Variants in RBMS1 observed in about 807,000 individuals in gnomAD.
The protein encoded by RBMS1 is RNA binding motif single stranded interacting protein 1.
Under a neutral mutation model 62.3 loss-of-function variants are expected in RBMS1, and 17 were observed. The observed-to-expected ratio is 0.27, with a 90% confidence interval of 0.19 to 0.41. The LOEUF is 0.41. Among genes scored for constraint, RBMS1 ranks in the 10% least tolerant of loss-of-function variants. RBMS1 has a pLI of 1.00. For missense variants in RBMS1, 334 were observed against 504.5 expected (o/e 0.66, Z 3.24); for synonymous variants, 172 against 170.0 (o/e 1.01, Z -0.09).
chr2:160,431,466 T>C (rs1267968699), intron 1 of RBMS1, among the ~76,000 whole-genome samples: 1 of 152,090 alleles, frequency 6.6e-6, no homozygotes, highest in East Asian at 2.0e-4. Flanking sequence ...TTATAGAGGC[T>C]GGAAGCCAGG....
intron 2 of RBMS1, among the ~76,000 whole-genome samples, chr2:160,349,629 T>C (rs192554003): frequency 8.6e-5 from 13 of 151,808 alleles, no homozygotes; most frequent in African/African-American, 3.1e-4. Flanking sequence ...GAATAGGTCA[T>C]GAGTTTGGCT....
chr2:160,418,244 A>G (rs1280790828), intron 1 of RBMS1, among the ~76,000 whole-genome samples: 2 of 152,204 alleles, frequency 1.3e-5, no homozygotes, highest in South Asian at 2.1e-4. Flanking sequence ...GCATGCATAT[A>G]CACAGACACG....
intron 1 of RBMS1, among the ~76,000 whole-genome samples, chr2:160,447,810 G>A (rs985261184): frequency 1.3e-5 from 2 of 152,184 alleles, no homozygotes; most frequent in Admixed American, 1.3e-4. Flanking sequence ...AGTGCTGGGG[G>A]TCAAGAGATG....
intron 4 of RBMS1, among the ~76,000 whole-genome samples, chr2:160,312,718 G>C (rs888190057): frequency 6.6e-5 from 10 of 151,368 alleles, no homozygotes; most frequent in Admixed American, 6.6e-5. Context: ...GTATGTGCCA[G>C]TTATATATAT....
intron 1 of RBMS1, among the ~76,000 whole-genome samples, chr2:160,409,158 G>C (rs1559519188): frequency 6.6e-6 from 1 of 151,936 alleles, no homozygotes; most frequent in Non-Finnish European, 1.5e-5. Context: ...TATCCTGCTG[G>C]TGACTTAGTG....
At chr2:160,439,204 A>C (rs1221228319) in intron 1 of RBMS1, among the ~76,000 whole-genome samples, 1 of 148,630 alleles carries the variant, frequency 6.7e-6, no homozygotes, top group Non-Finnish European at 1.5e-5. Context: ...TGACCCCCCC[A>C]CCTCCCTCTC....
At chr2:160,416,488 T>C (rs1200413279) in intron 1 of RBMS1, among the ~76,000 whole-genome samples, 1 of 152,174 alleles carries the variant, frequency 6.6e-6, no homozygotes, top group Non-Finnish European at 1.5e-5. Context: ...ATGTAAGACA[T>C]AATGAATTTA....
chr2:160,376,134 T>C (rs193024275), intron 1 of RBMS1, among the ~76,000 whole-genome samples: 105 of 152,260 alleles, frequency 6.9e-4, no homozygotes, highest in Middle Eastern at 3.4e-3. Context: ...GGGTGGAAAA[T>C]ACCCATTCAA....
chr2:160,436,719 T>C (rs1344484242), intron 1 of RBMS1, among the ~76,000 whole-genome samples: 2 of 152,204 alleles, frequency 1.3e-5, no homozygotes, highest in Non-Finnish European at 2.9e-5. Context: ...AGTTTAAATA[T>C]GGCTGAACAC....
At chr2:160,340,163 G>T (rs1395254937) in intron 2 of RBMS1, among the ~76,000 whole-genome samples, 1 of 151,990 alleles carries the variant, frequency 6.6e-6, no homozygotes, top group Non-Finnish European at 1.5e-5. Flanking sequence ...ACTTTTGACA[G>T]AAAATATTAA....
intron 1 of RBMS1, among the ~76,000 whole-genome samples, chr2:160,390,598 A>G: frequency 6.8e-6 from 1 of 147,054 alleles, no homozygotes; most frequent in East Asian, 2.0e-4. Context: ...CAGAAGGCTG[A>G]GGTGGGAAGA....
chr2:160,448,095 T>C (rs1302749687), intron 1 of RBMS1, among the ~76,000 whole-genome samples: 1 of 152,102 alleles, frequency 6.6e-6, no homozygotes, highest in Non-Finnish European at 1.5e-5. Context: ...TGTCAAACAG[T>C]TTTTACTGGC....
rs188302023 is a variant in RBMS1 at position 160,353,868 on chromosome 2, A to G, written c.251+13348T>C. 5.9e-5 allele frequency among the ~76,000 whole-genome samples: 9 copies of G among 152,208 alleles called. No homozygotes were observed. In the East Asian group the frequency reaches 1.7e-3, roughly 29 times the overall value. On this transcript the variant is annotated intron_variant, in intron 2 of 13. Coordinates refer to ENST00000348849, the MANE Select transcript of RBMS1 (RefSeq NM_016836.4). ...GTAGCAGTAACATTAATACATGCCAAAAGTGTTCAGAGCACTTGACATTAA... is the reference window on the plus strand; with the variant it reads ...GTAGCAGTAACATTAATACATGCCAGAAGTGTTCAGAGCACTTGACATTAA...
intron 10 of RBMS1, chr2:160,279,540 C>T (rs1214365744): frequency 1.3e-5 from 2 of 152,186 alleles, no homozygotes; most frequent in African/African-American, 4.8e-5. Context: ...AACCATTTAC[C>T]TAGCTTGTTG....
intron 1 of RBMS1, among the ~76,000 whole-genome samples, chr2:160,378,055 T>C (rs1303156104): frequency 6.6e-6 from 1 of 152,148 alleles, no homozygotes; most frequent in Non-Finnish European, 1.5e-5. Context: ...GCAGCCTCTT[T>C]TATACCTCAG....
Position 160,303,361 on chromosome 2 carries a change from T to G in RBMS1, c.529A>C (p.Ser177Arg). The G allele has an allele frequency of 6.2e-7, 1 of 1,612,290 alleles. No individual in the cohort carries two copies. Among genetic ancestry groups the G allele is most frequent in the Non-Finnish European group, 8.5e-7 (1 of 1,179,280 alleles). ...VISTRILRDSSGTSRGVGFAR... is the reference protein window; with the variant it reads ...VISTRILRDSRGTSRGVGFAR... ...AAGCCAACACCACGACTTGTACCAC[T>G]GGAATCACGTAGTATCCTTGTAGAA... The change falls in exon 5 of 14, where the codon AGT becomes CGT. Residue 177 changes from serine to arginine, a missense_variant. Around this residue, in one of 3 missense-constraint regions of RBMS1, gnomAD observed 150 missense variants for 228.0 expected, o/e 0.66. Transcript: ENST00000348849.
intron 1 of RBMS1, among the ~76,000 whole-genome samples, chr2:160,463,477 T>C (rs1684555005): frequency 6.6e-6 from 1 of 152,326 alleles, no homozygotes; most frequent in Non-Finnish European, 1.5e-5. Flanking sequence ...GAGACGCACT[T>C]CAGTGAGTTC....
chr2:160,405,691 G>GGAGA, intron 1 of RBMS1, among the ~76,000 whole-genome samples: 1 of 152,230 alleles, frequency 6.6e-6, no homozygotes, highest in South Asian at 2.1e-4. Context: ...TTGAATCTAA[G>GGAGA]GAGAGCCCTG....
At chr2:160,412,530 C>CA (rs1403995679) in intron 1 of RBMS1, among the ~76,000 whole-genome samples, 4 of 151,958 alleles carry the variant, frequency 2.6e-5, no homozygotes, top group African/African-American at 7.3e-5. Context: ...CGCCGCATCT[C>CA]AAAAAAAGCC....
Sources: allele counts gnomAD v4.1 joint callset (sites outside exome capture counted in the v4.1 genomes callset), GRCh38; gene constraint gnomAD v4.1.1; regional missense constraint gnomAD v4.1.1; transcripts MANE v1.5; gene names NCBI Gene and HGNC (gene_info 2026-07-23, HGNC 2026-07-21).